The following LIN28A variants were observed in gnomAD, a reference collection of about 807,000 sequenced individuals.
LIN28A encodes lin-28 RNA binding posttranscriptional regulator A.
Under a neutral mutation model 21.1 loss-of-function variants are expected in LIN28A, and 11 were observed. That is an observed-to-expected ratio of 0.52 (90% CI 0.33 to 0.86). The LOEUF is 0.86. Among genes scored for constraint, LIN28A ranks in the 40% least tolerant of loss-of-function variants. The probability of loss-of-function intolerance (pLI) is 0.03; values close to 1 mark genes in which losing one functional copy is unlikely to be tolerated. For synonymous variants in LIN28A, 111 were observed against 108.7 expected (o/e 1.02, Z -0.13); for missense variants, 219 against 279.8 (o/e 0.78, Z 1.55).
chr1:26,418,752 C>T (rs1557762176), intron 2 of LIN28A, among the ~76,000 whole-genome samples: 2 of 152,042 alleles, frequency 1.3e-5, no homozygotes, highest in Admixed American at 6.6e-5. Flanking sequence ...GGAGGGGGTC[C>T]TGTTTGGTTC....
Position 26,411,308 on chromosome 1 carries a change from G to T in LIN28A, c.32-78G>T. 7.4e-7 allele frequency: 1 copy of T among 1,359,776 alleles called. No individual in the cohort carries two copies. The highest frequency in any genetic ancestry group is 9.7e-7 in the Non-Finnish European group (1 of 1,026,216). 84.2% of individuals were successfully genotyped at this position (1,359,776 alleles called of 1,614,324 possible). On this transcript the variant is annotated intron_variant, in intron 1 of 3. Coordinates refer to ENST00000326279, the MANE Select transcript of LIN28A (RefSeq NM_024674.6). This position sits in a 1 kb window ranked among gnomAD's most constrained non-coding sequence, Gnocchi z 5.4. ...GTCCACTTGTGGGGCTGGATACTCGGGTCTCCCTGCCTGGGGCCCGAGACG... is the reference window on the plus strand; with the variant it reads ...GTCCACTTGTGGGGCTGGATACTCGTGTCTCCCTGCCTGGGGCCCGAGACG...
At position 26,427,895 on chromosome 1, in the gene LIN28A, T is replaced by C. The variant is rs2075068941; in HGVS notation, c.*1437T>C. 2 of 152,620 alleles carry C rather than the reference T, an allele frequency of 1.3e-5. No individual in the cohort carries two copies. Among genetic ancestry groups the C allele is most frequent in the Non-Finnish European group, 1.5e-5 (1 of 68,050 alleles). 9.5% of individuals were successfully genotyped at this position (152,620 alleles called of 1,614,324 possible). ...CCTGCTACAGTAGTGATTAATAGTG[T>C]CATGGTAGCTAAAGGAGAAAAAGGG... On this transcript the variant is annotated 3_prime_UTR_variant, in exon 4 of 4. Transcript: ENST00000326279.
At chr1:26,421,022 CT>C (rs960089983) in intron 2 of LIN28A, among the ~76,000 whole-genome samples, 447 of 145,504 alleles carry the variant, frequency 3.1e-3, no homozygotes, top group African/African-American at 7.1e-3. Context: ...TCAACAACTA[CT>C]TTTTTTTTTT....
intron 3 of LIN28A, among the ~76,000 whole-genome samples, 194 bp from the exon 4 acceptor site, chr1:26,426,048 A>G (rs2075057251): frequency 6.6e-6 from 1 of 152,216 alleles, no homozygotes; most frequent in Non-Finnish European, 1.5e-5. Context: ...TGAAGAGATC[A>G]CCTAGACAAT....
At chr1:26,419,543 T>TA (rs1465050552) in intron 2 of LIN28A, among the ~76,000 whole-genome samples, 1 of 152,180 alleles carries the variant, frequency 6.6e-6, no homozygotes, top group Non-Finnish European at 1.5e-5. Context: ...CTAGTTAGGA[T>TA]AAAACCAGAT....
chr1:26,418,240 T>G (rs553748918), intron 2 of LIN28A, among the ~76,000 whole-genome samples: 3 of 151,856 alleles, frequency 2.0e-5, no homozygotes, highest in East Asian at 1.9e-4. Context: ...TTCCCTGTTA[T>G]CAAAAAAAGA....
rs2075068926 is a variant in LIN28A at position 26,427,894 on chromosome 1, G to A, written c.*1436G>A. 6.6e-6 allele frequency: 1 copy of A among 152,648 alleles called. No individual in the cohort carries two copies. The highest frequency in any genetic ancestry group is 2.4e-5 in the African/African-American group (1 of 41,448). 9.5% of individuals were successfully genotyped at this position (152,648 alleles called of 1,614,324 possible). A position where few individuals can be genotyped will look rare whatever the true frequency, so the allele number is the denominator to read the frequency against. On this transcript the variant is annotated 3_prime_UTR_variant, in exon 4 of 4. Coordinates refer to ENST00000326279, the MANE Select transcript of LIN28A (RefSeq NM_024674.6). The stretch of plus-strand genomic sequence containing the variant: ...CCCTGCTACAGTAGTGATTAATAGT[G>A]TCATGGTAGCTAAAGGAGAAAAAGG...
chr1:26,426,493 G>A lies in LIN28A; in HGVS notation c.*35G>A. On this transcript the variant is annotated 3_prime_UTR_variant, in exon 4 of 4. Coordinates refer to ENST00000326279, the MANE Select transcript of LIN28A (RefSeq NM_024674.6). ...GGTGGGGGCTATTCTTTTGCTATCA[G>A]GAAGTTTTGAGGAGCAGGCAGAGTG... 1 of 1,573,788 alleles carries A rather than the reference G, an allele frequency of 6.4e-7. No individual in the cohort carries two copies. The highest frequency in any genetic ancestry group is 8.7e-7 in the Non-Finnish European group (1 of 1,144,684).
At chr1:26,412,233 C>G (rs1054917446) in intron 2 of LIN28A, among the ~76,000 whole-genome samples, 1 of 152,146 alleles carries the variant, frequency 6.6e-6, no homozygotes, top group African/African-American at 2.4e-5. Flanking sequence ...ATTCCTGGGC[C>G]AGGCTGGGAG....
rs770384641 is a variant in LIN28A at position 26,426,476 on chromosome 1, C to G, written c.*18C>G. On this transcript the variant is annotated 3_prime_UTR_variant, in exon 4 of 4. Coordinates refer to ENST00000326279, the MANE Select transcript of LIN28A (RefSeq NM_024674.6). ...AGAATTGAGCCACAATGGGTGGGGG[C>G]TATTCTTTTGCTATCAGGAAGTTTT... 1.9e-6 allele frequency: 3 copies of G among 1,600,428 alleles called. No individual in the cohort carries two copies. The African/African-American group carries it at 4.0e-5, about 21-fold the overall frequency.
At chr1:26,425,224 C>A in intron 2 of LIN28A, 79 bp from the exon 3 acceptor site, 1 of 1,404,178 alleles carries the variant, frequency 7.1e-7, no homozygotes, top group Non-Finnish European at 9.8e-7. Flanking sequence ...GATTCCTACC[C>A]TACAGGAATA....
chr1:26,427,541 T>C lies in LIN28A; in HGVS notation c.*1083T>C, dbSNP rs965171106. On this transcript the variant is annotated 3_prime_UTR_variant, in exon 4 of 4. Transcript: ENST00000326279. The stretch of plus-strand genomic sequence containing the variant: ...ACAGGAAATGGTGGTACACAGAGGC[T>C]AGGAGAGGCTGGGCCCGGTGAAAAG... 4 of 152,584 alleles carry C rather than the reference T, an allele frequency of 2.6e-5. No homozygotes were observed. Among genetic ancestry groups the C allele is most frequent in the Admixed American group, 1.3e-4 (2 of 15,276 alleles). 9.5% of individuals were successfully genotyped at this position (152,584 alleles called of 1,614,324 possible).
At chr1:26,418,420 C>G (rs1226270528) in intron 2 of LIN28A, among the ~76,000 whole-genome samples, 3 of 152,068 alleles carry the variant, frequency 2.0e-5, no homozygotes, top group East Asian at 1.9e-4. Flanking sequence ...GTGGCAGGAG[C>G]CTGTAGTCCC....
At chr1:26,419,539 A>G (rs1368937659) in intron 2 of LIN28A, among the ~76,000 whole-genome samples, 1 of 152,204 alleles carries the variant, frequency 6.6e-6, no homozygotes. Context: ...ATAGCTAGTT[A>G]GGATAAAACC....
Position 26,411,050 on chromosome 1 carries a change from ATAGGGCCGTCTC to A in LIN28A, c.31+130_31+141del. 8.1e-7 allele frequency: 1 copy of A among 1,228,808 alleles called. No homozygotes were observed. The highest frequency in any genetic ancestry group is 1.1e-6 in the Non-Finnish European group (1 of 895,310). 76.1% of individuals were successfully genotyped at this position (1,228,808 alleles called of 1,614,324 possible). A position where few individuals can be genotyped will look rare whatever the true frequency, so the allele number is the denominator to read the frequency against. On this transcript the variant is annotated intron_variant, in intron 1 of 3. Coordinates refer to ENST00000326279, the MANE Select transcript of LIN28A (RefSeq NM_024674.6). This position sits in a 1 kb window ranked among gnomAD's most constrained non-coding sequence, Gnocchi z 5.4. ...CCAAGACGGTGCGGCCTTCTGCTTC[ATAGGGCCGTCTC>A]TGGGGCCAGGAACCTTGGTGTCCCA...
chr1:26,425,963 C>T (rs1402668503), intron 3 of LIN28A, among the ~76,000 whole-genome samples: 1 of 152,112 alleles, frequency 6.6e-6, no homozygotes, highest in African/African-American at 2.4e-5. Flanking sequence ...TCTCCTATCC[C>T]CCAAGTTGCA....
intron 2 of LIN28A, among the ~76,000 whole-genome samples, chr1:26,420,406 G>A (rs1328182644): frequency 6.6e-6 from 1 of 151,978 alleles, no homozygotes; most frequent in Non-Finnish European, 1.5e-5. Context: ...ATGAGGTCAG[G>A]AGTTTGAGAC....
chr1:26,418,143 G>A (rs1228631430), intron 2 of LIN28A, among the ~76,000 whole-genome samples: 2 of 152,204 alleles, frequency 1.3e-5, no homozygotes, highest in Non-Finnish European at 2.9e-5. Flanking sequence ...TGAGGTACTT[G>A]GTGTGGGTTG....
At chr1:26,426,167 G>A (rs2075058166) in intron 3 of LIN28A, 75 bp from the exon 4 acceptor site, 3 of 1,189,310 alleles carry the variant, frequency 2.5e-6, no homozygotes, top group Non-Finnish European at 2.5e-6. Context: ...CAGAGCCCAG[G>A]TGTCCTCATT....
Sources: gnomAD v4.1 joint callset for allele counts (sites outside exome capture counted in the v4.1 genomes callset) on GRCh38, gnomAD v4.1.1 for gene constraint, Gnocchi (gnomAD v3.1) non-coding constraint, MANE v1.5 for transcripts, NCBI Gene and HGNC (gene_info 2026-07-23, HGNC 2026-07-21) for gene names.